The following CPO variants were observed in gnomAD, a reference collection of about 807,000 sequenced individuals.
CPO encodes the protein carboxypeptidase O.
In CPO, 43 loss-of-function variants were observed where a neutral mutation model predicts 41.2. The observed-to-expected ratio is 1.04, with a 90% confidence interval of 0.82 to 1.35. The LOEUF (loss-of-function observed/expected upper bound fraction) is 1.35, where lower values mean the gene tolerates loss of function less well. Among genes scored for constraint, CPO ranks in the 40% most tolerant of loss-of-function variants. The pLI, the probability that CPO is intolerant of heterozygous loss-of-function variation, is 0.00. For missense variants in CPO, 408 were observed against 451.7 expected, an observed-to-expected ratio of 0.90 and a Z score of 0.88; for synonymous variants, 178 against 162.7, an observed-to-expected ratio of 1.09 and a Z score of -0.72.
intron 1 of CPO, among the ~76,000 whole-genome samples, chr2:206,943,739 TAGATA>T (rs1194357420): frequency 1.2e-3 from 154 of 123,352 alleles, no homozygotes; most frequent in African/African-American, 3.0e-3. Flanking sequence ...GATAGATAGA[TAGATA>T]GATAGATAGA....
chr2:206,945,224 TAGA>T (rs1028392509), intron 1 of CPO, among the ~76,000 whole-genome samples: 11 of 147,578 alleles, frequency 7.5e-5, no homozygotes, highest in Admixed American at 2.7e-4. Context: ...CAAGAAAATG[TAGA>T]AGAATAGGTA....
chr2:206,940,699 T>C (rs2105816646), intron 1 of CPO, among the ~76,000 whole-genome samples: 1 of 152,192 alleles, frequency 6.6e-6, no homozygotes, highest in Non-Finnish European at 1.5e-5. Flanking sequence ...ATCATTATTT[T>C]GCTCATTTAG....
intron 8 of CPO, among the ~76,000 whole-genome samples, chr2:206,968,713 G>GA (rs1234331064): frequency 6.6e-6 from 1 of 152,162 alleles, no homozygotes; most frequent in South Asian, 2.1e-4. Flanking sequence ...AAGCCCTGGA[G>GA]AAAAAAATCT....
At chr2:206,958,952 A>C (rs1207708392) in intron 4 of CPO, among the ~76,000 whole-genome samples, 2 of 151,420 alleles carry the variant, frequency 1.3e-5, no homozygotes, top group Non-Finnish European at 2.9e-5. Context: ...TGTTGGTCAG[A>C]CTGGTCTGGA....
At chr2:206,965,240 CTG>C (rs1693550458) in intron 7 of CPO, among the ~76,000 whole-genome samples, 1 of 152,124 alleles carries the variant, frequency 6.6e-6, no homozygotes, top group Non-Finnish European at 1.5e-5. Context: ...GATAAAAAGA[CTG>C]TGAATATTTT....
At chr2:206,949,808 A>T (rs948036766) in intron 2 of CPO, 95 bp downstream of exon 2, 2 of 731,196 alleles carry the variant, frequency 2.7e-6, no homozygotes, top group Non-Finnish European at 4.7e-6. Context: ...TGCATTAGAG[A>T]GGCTGAAAAT....
At position 206,962,501 on chromosome 2, in the gene CPO, A is replaced by G. The variant is rs756403695; in HGVS notation, c.664A>G (p.Ile222Val). The change falls in exon 7 of 9, where the codon ATA becomes GTA. Residue 222 changes from isoleucine (I) to valine (V), a missense_variant. By Grantham distance (29) the Ile-to-Val change is conservative. Transcript: ENST00000272852. ...EPETKAVASF[I>V]ESKKDDILCF... Reference sequence around the variant, plus strand: ...AGAGACTAAAGCTGTTGCCAGCTTCATAGAGAGCAAGAAGGATGATATTTT... The same window carrying G: ...AGAGACTAAAGCTGTTGCCAGCTTCGTAGAGAGCAAGAAGGATGATATTTT... The G allele has an allele frequency of 1.9e-6, 3 of 1,614,044 alleles. No individual in the cohort carries two copies. The African/African-American group carries it at 4.0e-5, about 22-fold the overall frequency.
chr2:206,944,645 G>A (rs1203187861), intron 1 of CPO, among the ~76,000 whole-genome samples: 1 of 151,892 alleles, frequency 6.6e-6, no homozygotes, highest in Non-Finnish European at 1.5e-5. Flanking sequence ...CAAGCTAATA[G>A]GGCAAACTTC....
At chr2:206,953,790 C>A (rs774244339) in intron 2 of CPO, among the ~76,000 whole-genome samples, 2 of 152,220 alleles carry the variant, frequency 1.3e-5, no homozygotes, top group Non-Finnish European at 2.9e-5. Flanking sequence ...TCTGCCCTTG[C>A]GGCACACTTC....
intron 1 of CPO, among the ~76,000 whole-genome samples, chr2:206,944,556 A>T (rs1001358509): frequency 1.3e-5 from 2 of 152,056 alleles, no homozygotes; most frequent in Admixed American, 1.3e-4. Context: ...TCTTCTTTTA[A>T]AATTCATTTT....
intron 3 of CPO, among the ~76,000 whole-genome samples, chr2:206,956,144 C>G (rs1693353140): frequency 6.6e-6 from 1 of 152,072 alleles, no homozygotes; most frequent in African/African-American, 2.4e-5. Context: ...GACCGAAAAA[C>G]CATTTTTCCA....
At chr2:206,952,299 C>G (rs12618350) in intron 2 of CPO, among the ~76,000 whole-genome samples, 14,502 of 151,778 alleles carry the variant, frequency 0.096, 812 homozygotes, top group East Asian at 0.21. Context: ...ATTTTTAGTA[C>G]AGACAGGGTT....
At chr2:206,961,619 CTTATTA>C (rs1259690654) in intron 6 of CPO, among the ~76,000 whole-genome samples, 2 of 152,096 alleles carry the variant, frequency 1.3e-5, no homozygotes, top group Non-Finnish European at 2.9e-5. Context: ...GCTGATCATT[CTTATTA>C]TTATTAATGA....
chr2:206,956,511 C>T (rs1693362150), intron 3 of CPO, among the ~76,000 whole-genome samples: 1 of 152,172 alleles, frequency 6.6e-6, no homozygotes, highest in African/African-American at 2.4e-5. Context: ...AACTCGGAGG[C>T]TGGAGCCCAA....
chr2:206,949,588 C>T (rs1447179261), intron 1 of CPO, 29 bp from the exon 2 acceptor site: 1 of 1,554,806 alleles, frequency 6.4e-7, no homozygotes, highest in South Asian at 1.1e-5. Context: ...TTCACCACTG[C>T]TTTTCCTCTT....
chr2:206,958,262 A>G (rs1574353111), intron 3 of CPO, 39 bp from the exon 4 acceptor site: 1 of 1,089,728 alleles, frequency 9.2e-7, no homozygotes, highest in Non-Finnish European at 1.3e-6. Flanking sequence ...TACAATAATC[A>G]GCAATTGTTT....
chr2:206,960,486 G>A (rs1330031004), intron 5 of CPO, among the ~76,000 whole-genome samples: 1 of 152,190 alleles, frequency 6.6e-6, no homozygotes, highest in Non-Finnish European at 1.5e-5. Context: ...CATCTGTCAA[G>A]CTATTTCCCT....
chr2:206,947,454 G>T (rs1206328435), intron 1 of CPO, among the ~76,000 whole-genome samples: 1 of 152,144 alleles, frequency 6.6e-6, no homozygotes, highest in East Asian at 1.9e-4. Flanking sequence ...AACTCTAGAA[G>T]ATAGCATAAG....
intron 6 of CPO, among the ~76,000 whole-genome samples, chr2:206,961,571 A>C (rs1023114614): frequency 6.6e-6 from 1 of 152,182 alleles, no homozygotes; most frequent in Non-Finnish European, 1.5e-5. Flanking sequence ...CTACATGGGA[A>C]GTGTTGGGCA....
Sources: gnomAD v4.1 joint callset for allele counts (sites outside exome capture counted in the v4.1 genomes callset) on GRCh38, gnomAD v4.1.1 for gene constraint, MANE v1.5 for transcripts, NCBI Gene and HGNC (gene_info 2026-07-23, HGNC 2026-07-21) for gene names.